Variants in PCDHA7 observed in about 807,000 individuals in gnomAD.
PCDHA7 encodes protocadherin alpha 7.
In PCDHA7, 37 loss-of-function variants were observed where a neutral mutation model predicts 57.2. The observed-to-expected ratio is 0.65, with a 90% CI of 0.50 to 0.85. PCDHA7 has a LOEUF of 0.85. Among genes scored for constraint, PCDHA7 ranks in the 40% least tolerant of loss-of-function variants. The pLI, the probability that PCDHA7 is intolerant of heterozygous loss-of-function variation, is 0.00. For missense variants in PCDHA7, 1,188 were observed against 1,241.8 expected (o/e 0.96, Z 0.65); for synonymous variants, 553 against 558.8 (o/e 0.99, Z 0.15).
At chr5:140,941,331 T>G (rs1277354289) in intron 1 of PCDHA7, among the ~76,000 whole-genome samples, 1 of 148,120 alleles carries the variant, frequency 6.8e-6, no homozygotes. Context: ...TTTTTTTTTT[T>G]TTTCAGATGG....
chr5:140,928,424 C>A, intron 1 of PCDHA7: 1 of 1,614,184 alleles, frequency 6.2e-7, no homozygotes, highest in Non-Finnish European at 8.5e-7. Context: ...ACTGCCAAAA[C>A]TTCCTTTGAC....
rs1237134609 is a variant in PCDHA7 at position 141,011,353 on chromosome 5, A to T, written c.*1416A>T. 6.5e-6 allele frequency: 1 copy of T among 153,692 alleles called. No homozygotes were observed. The highest frequency in any genetic ancestry group is 1.5e-5 in the Non-Finnish European group (1 of 68,032). The allele number at this position is 153,692 out of a possible 1,614,324, so 9.5% of individuals were successfully genotyped here. On this transcript the variant is annotated 3_prime_UTR_variant, in exon 4 of 4. Coordinates refer to ENST00000525929, the MANE Select transcript of PCDHA7 (RefSeq NM_018910.3). ...ATGTTACCTGAAATCAATCTCCCAT[A>T]TGTATGCTGTATGCTATGCTAAGAC...
intron 3 of PCDHA7, among the ~76,000 whole-genome samples, chr5:141,003,897 T>G (rs1554259369): frequency 6.6e-6 from 1 of 152,132 alleles, no homozygotes; most frequent in Non-Finnish European, 1.5e-5. Flanking sequence ...ACAGGCCCAT[T>G]CATTTGGGTC....
At chr5:140,955,460 C>G (rs1051253944) in intron 1 of PCDHA7, among the ~76,000 whole-genome samples, 2 of 152,000 alleles carry the variant, frequency 1.3e-5, no homozygotes, top group Non-Finnish European at 2.9e-5. Flanking sequence ...GGGCTTTTTC[C>G]TTTTTGCTTG....
intron 1 of PCDHA7, among the ~76,000 whole-genome samples, chr5:140,976,505 C>T (rs538128648): frequency 3.3e-5 from 5 of 152,122 alleles, no homozygotes; most frequent in East Asian, 3.9e-4. Flanking sequence ...GAGCCAAGAT[C>T]GCGCCACTGC....
intron 1 of PCDHA7, chr5:140,884,062 C>T (rs1328958684): frequency 8.7e-6 from 14 of 1,613,496 alleles, no homozygotes; most frequent in Non-Finnish European, 1.2e-5. Context: ...GCGCGGTGGA[C>T]GCCGATTCGG....
At chr5:140,993,310 A>G (rs1013688133) in intron 3 of PCDHA7, among the ~76,000 whole-genome samples, 2 of 152,038 alleles carry the variant, frequency 1.3e-5, no homozygotes, top group African/African-American at 4.8e-5. Context: ...CTCCAGGATA[A>G]TACCTTCTAA....
At chr5:140,873,403 GT>G (rs2054272319) in intron 1 of PCDHA7, among the ~76,000 whole-genome samples, 1 of 152,046 alleles carries the variant, frequency 6.6e-6, no homozygotes, top group South Asian at 2.1e-4. Flanking sequence ...TTCAGTACAG[GT>G]TAAAATTTTG....
In PCDHA7 at chr5:140,877,360, G is replaced by A. The variant is rs199937567; in HGVS notation, c.2355+40622G>A. Reference sequence around the variant, plus strand: ...GTTCCACGTGGGGCTGTACACTGGCGAGATCAGCACGACACGCATCCTGGA... The same window carrying A: ...GTTCCACGTGGGGCTGTACACTGGCAAGATCAGCACGACACGCATCCTGGA... On this transcript the variant is annotated intron_variant, in intron 1 of 3. Coordinates refer to ENST00000525929, the MANE Select transcript of PCDHA7 (RefSeq NM_018910.3). 63 of 1,614,022 alleles carry A rather than the reference G, an allele frequency of 3.9e-5. No individual in the cohort carries two copies. The highest frequency in any genetic ancestry group is 6.7e-5 in the Admixed American group (4 of 60,028).
In PCDHA7 at chr5:140,857,847, C is replaced by G. The variant is rs782775653; in HGVS notation, c.2355+21109C>G. The G allele has an allele frequency of 1.4e-5, 23 of 1,597,872 alleles. 1 individual carries two copies. The South Asian group carries it at 2.0e-4, about 14-fold the overall frequency. On this transcript the variant is annotated intron_variant, in intron 1 of 3. Coordinates refer to ENST00000525929, the MANE Select transcript of PCDHA7 (RefSeq NM_018910.3). Reference sequence around the variant, plus strand: ...AAGGTGCGCGCAGTGGACGCTGACTCTGGATACAACGCGTGGCTGTCGTAT... The same window carrying G: ...AAGGTGCGCGCAGTGGACGCTGACTGTGGATACAACGCGTGGCTGTCGTAT...
intron 1 of PCDHA7, among the ~76,000 whole-genome samples, chr5:140,972,288 C>T (rs1263314074): frequency 2.0e-5 from 3 of 150,942 alleles, no homozygotes; most frequent in African/African-American, 4.9e-5. Context: ...CATAGATGTG[C>T]GCCACCGTGT....
intron 1 of PCDHA7, among the ~76,000 whole-genome samples, chr5:140,891,067 C>G (rs2062935872): frequency 6.6e-6 from 1 of 152,096 alleles, no homozygotes; most frequent in Admixed American, 6.6e-5. Flanking sequence ...AAATATTATT[C>G]CAGTGTCTAC....
intron 3 of PCDHA7, among the ~76,000 whole-genome samples, chr5:141,003,398 G>A (rs1282074480): frequency 1.3e-5 from 2 of 152,114 alleles, no homozygotes; most frequent in African/African-American, 4.8e-5. Flanking sequence ...TGAAACCTCC[G>A]CCTCCCGGGT....
intron 1 of PCDHA7, among the ~76,000 whole-genome samples, chr5:140,953,480 T>C (rs782804804): frequency 2.6e-5 from 4 of 152,194 alleles, no homozygotes; most frequent in Non-Finnish European, 5.9e-5. Flanking sequence ...CCTCATGCTG[T>C]GTCACAACCT....
At chr5:140,871,197 C>T (rs1554165260) in intron 1 of PCDHA7, 1 of 1,613,664 alleles carries the variant, frequency 6.2e-7, no homozygotes, top group Admixed American at 1.7e-5. Flanking sequence ...TCAACGTGTA[C>T]CTGATCATCG....
At chr5:140,880,317 A>C (rs1295276378) in intron 1 of PCDHA7, among the ~76,000 whole-genome samples, 1 of 152,248 alleles carries the variant, frequency 6.6e-6, no homozygotes, top group East Asian at 1.9e-4. Flanking sequence ...ACAAGTAAAA[A>C]ATAAGATACT....
intron 1 of PCDHA7, chr5:140,968,479 C>T (rs2096250195): frequency 1.2e-6 from 2 of 1,614,010 alleles, no homozygotes; most frequent in South Asian, 2.2e-5. Flanking sequence ...ATGTGGTGGA[C>T]ATGAATGACC....
chr5:140,969,354 T>G, intron 1 of PCDHA7: 1 of 1,612,552 alleles, frequency 6.2e-7, no homozygotes. Context: ...TCAGGGGGTC[T>G]TCTACAAACT....
intron 1 of PCDHA7, among the ~76,000 whole-genome samples, chr5:140,840,557 C>A (rs1199062901): frequency 2.6e-5 from 4 of 151,962 alleles, no homozygotes; most frequent in Non-Finnish European, 5.9e-5. Context: ...GGCAATACTG[C>A]TAGAGTTTGG....
Sources: gnomAD v4.1 joint callset for allele counts (sites outside exome capture counted in the v4.1 genomes callset) on GRCh38, gnomAD v4.1.1 for gene constraint, MANE v1.5 for transcripts, NCBI Gene and HGNC (gene_info 2026-07-23, HGNC 2026-07-21) for gene names.